GABRA3: variants seen among roughly 807,000 people sequenced by gnomAD.
GABRA3 encodes the protein gamma-aminobutyric acid receptor subunit alpha-3.
Under a neutral mutation model 30.1 loss-of-function variants are expected in GABRA3, and 10 were observed. That is an observed-to-expected ratio of 0.33 (90% CI 0.20 to 0.56). GABRA3 has a LOEUF of 0.56. Ranked by LOEUF, GABRA3 falls within the 20% of genes least tolerant of loss-of-function variation. The pLI is 0.89. For missense variants in GABRA3, 233 were observed against 392.0 expected (o/e 0.59, Z 3.42); for synonymous variants, 151 against 146.8 (o/e 1.03, Z -0.21).
chrX:152,390,960 A>T (rs182354942), intron 1 of GABRA3, among the ~76,000 whole-genome samples: 69 of 111,770 alleles, frequency 6.2e-4, no homozygotes, highest in African/African-American at 2.1e-3. Context: ...ATGGTAAATT[A>T]AAAAACACAT....
chrX:152,318,234 G>A (rs1387156456), intron 3 of GABRA3, among the ~76,000 whole-genome samples: 1 of 111,065 alleles, frequency 9.0e-6, no homozygotes, highest in Non-Finnish European at 1.9e-5. Context: ...ATAAATTCCT[G>A]GAAACATACA....
intron 5 of GABRA3, among the ~76,000 whole-genome samples, chrX:152,229,213 C>T (rs1286114013): frequency 9.0e-6 from 1 of 111,182 alleles, no homozygotes; most frequent in Non-Finnish European, 1.9e-5. Flanking sequence ...AGGTCAGAAT[C>T]CCCTGAAAAT....
chrX:152,241,599 C>A lies in GABRA3; in HGVS notation c.551+14179G>T, dbSNP rs1424357437. ...CTGGGCAATGGCGGGCGCCCCTCCC[C>A]CAGCCTCGCTGCTGCTTTGCAGTTT... On this transcript the variant is annotated intron_variant, in intron 5 of 9. Coordinates refer to ENST00000370314, the MANE Select transcript of GABRA3 (RefSeq NM_000808.4). Among the ~76,000 whole-genome samples, 41 of 109,621 alleles carry A rather than the reference C, an allele frequency of 3.7e-4. 2 individuals carry two copies.
At chrX:152,248,759 A>T (rs146748427) in intron 5 of GABRA3, among the ~76,000 whole-genome samples, 33 of 111,861 alleles carry the variant, frequency 3.0e-4, no homozygotes, top group African/African-American at 1.0e-3. Flanking sequence ...ATCATACTGC[A>T]TGGTGACTAG....
chrX:152,432,913 G>T (rs1416025542), intron 1 of GABRA3, among the ~76,000 whole-genome samples: 1 of 110,725 alleles, frequency 9.0e-6, no homozygotes, highest in Non-Finnish European at 1.9e-5. Flanking sequence ...GAAATGAAAG[G>T]AGAGCTTAAT....
intron 7 of GABRA3, among the ~76,000 whole-genome samples, chrX:152,204,614 A>G (rs1937517828): frequency 8.9e-6 from 1 of 112,247 alleles, no homozygotes; most frequent in Non-Finnish European, 1.9e-5. Context: ...GTGAGTTAAT[A>G]CATGCCCTCA....
intron 3 of GABRA3, among the ~76,000 whole-genome samples, chrX:152,309,330 C>A (rs1205700040): frequency 4.5e-5 from 5 of 111,115 alleles, no homozygotes; most frequent in African/African-American, 1.6e-4. Flanking sequence ...CCCCAAAACA[C>A]ATAGTCATCA....
chrX:152,401,134 T>G (rs919052430), intron 1 of GABRA3, among the ~76,000 whole-genome samples: 4 of 111,016 alleles, frequency 3.6e-5, no homozygotes, highest in Non-Finnish European at 7.6e-5. Flanking sequence ...ATATAAAACG[T>G]GTGTTTTTTT....
intron 6 of GABRA3, among the ~76,000 whole-genome samples, chrX:152,215,439 T>C (rs991998919): frequency 9.0e-6 from 1 of 111,442 alleles, no homozygotes; most frequent in Admixed American, 9.6e-5. Context: ...ATTTTGTTGA[T>C]GTCATGTATC....
chrX:152,189,427 T>C (rs371543664), intron 9 of GABRA3, among the ~76,000 whole-genome samples: 2 of 111,984 alleles, frequency 1.8e-5, no homozygotes, highest in African/African-American at 6.5e-5. Flanking sequence ...GGGTTGAAGA[T>C]AGAGTCCAAG....
intron 1 of GABRA3, among the ~76,000 whole-genome samples, chrX:152,416,460 C>T (rs1930221507): frequency 9.2e-6 from 1 of 108,864 alleles, no homozygotes; most frequent in African/African-American, 3.3e-5. Context: ...AGGTAATTTA[C>T]AGATTCAATG....
chrX:152,406,205 A>C (rs1303624791), intron 1 of GABRA3, among the ~76,000 whole-genome samples: 1 of 110,446 alleles, frequency 9.1e-6, no homozygotes, highest in African/African-American at 3.3e-5. Flanking sequence ...CAAACGACAA[A>C]ATGGCAGTAA....
chrX:152,330,533 G>A (rs772600563), intron 3 of GABRA3, among the ~76,000 whole-genome samples: 15 of 111,463 alleles, frequency 1.3e-4, no homozygotes, highest in African/African-American at 2.0e-4. Context: ...AAAACGATGC[G>A]TTCATGTTCT....
At chrX:152,231,246 C>T (rs866197571) in intron 5 of GABRA3, among the ~76,000 whole-genome samples, 1 of 103,795 alleles carries the variant, frequency 9.6e-6, no homozygotes, top group Non-Finnish European at 2.0e-5. Flanking sequence ...CATATGTATA[C>T]ATACACGTAT....
At chrX:152,178,475 C>T (rs1937103349) in intron 9 of GABRA3, among the ~76,000 whole-genome samples, 1 of 111,409 alleles carries the variant, frequency 9.0e-6, no homozygotes, top group Non-Finnish European at 1.9e-5. Context: ...CCATTAAGGA[C>T]AAGAAACTAA....
chrX:152,204,442 A>G (rs1221286796), intron 7 of GABRA3, among the ~76,000 whole-genome samples: 1 of 111,272 alleles, frequency 9.0e-6, no homozygotes, highest in African/African-American at 3.3e-5. Context: ...TTATGTTTAT[A>G]GACTCTGGAG....
Position 152,424,937 on chromosome X carries a change from T to C in GABRA3, c.-27+26209A>G, listed in dbSNP as rs1423132660. Among the ~76,000 whole-genome samples the C allele has an allele frequency of 6.5e-5, 6 of 91,719 alleles. No homozygotes were observed. The Admixed American group carries it at 7.2e-4, about 11-fold the overall frequency. 79.6% of individuals were successfully genotyped at this position (91,719 alleles called of 115,157 possible). ...ATTTTCTTTTTCTTTTCTTTTTTTT[T>C]TTTTTTTTTTTTTTTTACAGGGTGT... On this transcript the variant is annotated intron_variant, in intron 1 of 9. Transcript: ENST00000370314.
intron 3 of GABRA3, among the ~76,000 whole-genome samples, chrX:152,310,746 AC>A (rs1434204313): frequency 2.7e-5 from 3 of 111,678 alleles, no homozygotes; most frequent in Non-Finnish European, 3.8e-5. Context: ...ATTAAAAAAA[AC>A]ATTCAAAAGA....
chrX:152,357,935 T>C (rs757787286), intron 2 of GABRA3, among the ~76,000 whole-genome samples: 9 of 111,609 alleles, frequency 8.1e-5, no homozygotes, highest in Non-Finnish European at 1.5e-4. Flanking sequence ...ACCGGTACCA[T>C]GCTGTTTTGG....
Sources: allele counts gnomAD v4.1 joint callset (sites outside exome capture counted in the v4.1 genomes callset), GRCh38; gene constraint gnomAD v4.1.1; transcripts MANE v1.5; gene names NCBI Gene and HGNC (gene_info 2026-07-23, HGNC 2026-07-21).